The following DST variants were observed in gnomAD, a reference collection of about 807,000 sequenced individuals.
DST encodes the protein bullous pemphigoid antigen.
DST carries 253 observed loss-of-function variants against 875.2 expected under a neutral mutation model. The ratio of observed to expected loss-of-function variants is 0.29; its 90% CI spans 0.26 to 0.32. The LOEUF (loss-of-function observed/expected upper bound fraction) is 0.32. Ranked by LOEUF, DST falls within the 10% of genes least tolerant of loss-of-function variation. The pLI is 1.00. For synonymous variants in DST, 3,124 were observed against 3,197.1 expected, an observed-to-expected ratio of 0.98 and a Z score of 0.77; for missense variants, 8,287 against 9,111.6, an observed-to-expected ratio of 0.91 and a Z score of 3.68.
At chr6:56,819,184 A>T (rs764364150) in intron 4 of DST, among the ~76,000 whole-genome samples, 1 of 152,210 alleles carries the variant, frequency 6.6e-6, no homozygotes, top group African/African-American at 2.4e-5. Context: ...TTATTTCTCA[A>T]AATAATTCAC....
At chr6:56,789,399 T>C (rs1055091468) in intron 4 of DST, among the ~76,000 whole-genome samples, 19 of 152,204 alleles carry the variant, frequency 1.2e-4, no homozygotes, top group South Asian at 2.1e-4. Context: ...ACCTCTATTA[T>C]ACAAATGATA....
At chr6:56,810,484 A>C (rs2099758575) in intron 4 of DST, among the ~76,000 whole-genome samples, 1 of 152,178 alleles carries the variant, frequency 6.6e-6, no homozygotes, top group African/African-American at 2.4e-5. Context: ...CATAAATTCT[A>C]TGTTAAAAAT....
intron 17 of DST, 90 bp from the exon 18 acceptor site, chr6:56,640,695 T>C: frequency 9.8e-7 from 1 of 1,020,852 alleles, no homozygotes; most frequent in Non-Finnish European, 1.5e-6. Flanking sequence ...TTTTAGTTAA[T>C]AATGATGTAT....
At chr6:56,470,482 G>A (rs1340561354) in intron 95 of DST, among the ~76,000 whole-genome samples, 200 bp from the exon 96 acceptor site, 1 of 151,970 alleles carries the variant, frequency 6.6e-6, no homozygotes, top group Non-Finnish European at 1.5e-5. Context: ...TACTATTTAG[G>A]TGAATCATAT....
chr6:56,707,866 C>T (rs1034864903), intron 5 of DST, among the ~76,000 whole-genome samples: 1 of 152,094 alleles, frequency 6.6e-6, no homozygotes, highest in African/African-American at 2.4e-5. Context: ...TTAAGCCATG[C>T]AAATCTAAAC....
At chr6:56,585,395 G>A (rs1486380205) in intron 49 of DST, among the ~76,000 whole-genome samples, 10 of 152,148 alleles carry the variant, frequency 6.6e-5, no homozygotes, top group Non-Finnish European at 1.0e-4. Context: ...GGTGTTTGTA[G>A]TATTCTCTGA....
rs1464617303 is a variant in DST, at chr6:56,604,059, T to C, written c.10569A>G (p.Glu3523=). ...TATCACCAAGAATATGTGGCTTTTC[T>C]TCCATCATCTCAGATGTAGAACATG... The part of the protein sequence containing the change: ...QKACSTSEMM[E]EKPHILGDIK... Residue 3523 remains glutamate (E), a synonymous_variant, in exon 40 of 104, where the codon GAA becomes GAG. Coordinates refer to ENST00000680361, the MANE Select transcript of DST (RefSeq NM_001374736.1). 1.3e-6 allele frequency: 2 copies of C among 1,585,256 alleles called. No individual in the cohort carries two copies. The highest frequency in any genetic ancestry group is 8.6e-7 in the Non-Finnish European group (1 of 1,163,474).
Position 56,553,440 on chromosome 6 carries a change from T to C in DST, c.15352A>G (p.Ile5118Val), listed in dbSNP as rs377635754. 2.5e-6 allele frequency: 4 copies of C among 1,604,492 alleles called. No individual in the cohort carries two copies. Among genetic ancestry groups the C allele is most frequent in the Non-Finnish European group, 3.4e-6 (4 of 1,176,634 alleles). ...TAQSHMYEKT[I>V]AEGENLLLKT... is the part of the protein sequence containing the mutation. The stretch of plus-strand genomic sequence containing the variant: ...AATAACAGATTTTCACCTTCTGCAA[T>C]GGTTTTTTCATACATATGAGACTGA... The change falls in exon 61 of 104, where the codon ATT (isoleucine) becomes GTT (valine). Residue 5118 changes from isoleucine (I) to valine (V), a missense_variant. Transcript: ENST00000680361.
In DST at chr6:56,637,972, AT is replaced by A. The variant is rs199874169; in HGVS notation, c.2964+1286del. Among the ~76,000 whole-genome samples, 1,472 of 152,190 alleles carry A rather than the reference AT, an allele frequency of 9.7e-3. 23 individuals carry two copies. The highest frequency in any genetic ancestry group is 0.033 in the African/African-American group (1,377 of 41,552). On this transcript the variant is annotated intron_variant, in intron 22 of 103. Coordinates refer to ENST00000680361, the MANE Select transcript of DST (RefSeq NM_001374736.1). ...AAATTGGCTATAAAAGATGTATCATATTTTTTTCATATAAAATATGAAACAG... is the reference window on the plus strand; with the variant it reads ...AAATTGGCTATAAAAGATGTATCATATTTTTTCATATAAAATATGAAACAG...
chr6:56,713,826 G>A (rs1270009724), intron 5 of DST, among the ~76,000 whole-genome samples: 3 of 152,052 alleles, frequency 2.0e-5, no homozygotes, highest in Non-Finnish European at 4.4e-5. Flanking sequence ...ATAGTTTTAA[G>A]GCTTTGACGA....
At chr6:56,806,808 C>CA (rs1302133205) in intron 4 of DST, among the ~76,000 whole-genome samples, 1 of 152,188 alleles carries the variant, frequency 6.6e-6, no homozygotes, top group Non-Finnish European at 1.5e-5. Flanking sequence ...AACCCTTAGA[C>CA]AAAACCAATG....
At chr6:56,721,158 C>A (rs1302447617) in intron 5 of DST, among the ~76,000 whole-genome samples, 1 of 149,544 alleles carries the variant, frequency 6.7e-6, no homozygotes, top group Non-Finnish European at 1.5e-5. Flanking sequence ...GCCCCCCCCA[C>A]CTCCCAGATG....
rs774026791 is a variant in DST, at chr6:56,509,722, G to A, written c.18932C>T (p.Pro6311Leu). 2.5e-6 allele frequency: 4 copies of A among 1,613,556 alleles called. No homozygotes were observed. The highest frequency in any genetic ancestry group is 3.4e-6 in the Non-Finnish European group (4 of 1,179,714). ...NVSVDMEKLQPLYETLKQRGE... is the reference protein window; with the variant it reads ...NVSVDMEKLQLLYETLKQRGE... ...CCTCTGTTTAAGAGTTTCATACAAC[G>A]GCTGTAGCTTTTCCATGTCTACTGA... Residue 6311 changes from proline to leucine, a missense_variant, in exon 74 of 104, where the codon CCG (proline) becomes CTG (leucine). Physicochemically the swap from Pro to Leu is moderately conservative, Grantham distance 98 (BLOSUM62 -3). This residue lies in a region of DST where 1,292 missense variants were observed against 1,552.7 expected (regional missense o/e 0.83). Transcript: ENST00000680361.
chr6:56,549,052 T>C (rs1454315953), intron 61 of DST, among the ~76,000 whole-genome samples: 1 of 152,210 alleles, frequency 6.6e-6, no homozygotes, highest in Non-Finnish European at 1.5e-5. Context: ...CAAGTAACTA[T>C]TAACAGCTAT....
Position 56,620,823 on chromosome 6 carries a change from A to G in DST, c.4929+3707T>C, listed in dbSNP as rs2098684346. On this transcript the variant is annotated intron_variant, in intron 36 of 103. Coordinates refer to ENST00000680361, the MANE Select transcript of DST (RefSeq NM_001374736.1). Reference sequence around the variant, plus strand: ...TACAAAACCAAGTGAACTCAAATGCAGAACAAGCGCTATCACCACCACCAG... The same window carrying G: ...TACAAAACCAAGTGAACTCAAATGCGGAACAAGCGCTATCACCACCACCAG... 2.6e-5 allele frequency: 26 copies of G among 1,002,198 alleles called. No homozygotes were observed. In the South Asian group the frequency reaches 3.4e-4, roughly 13 times the overall value. 62.1% of individuals were successfully genotyped at this position (1,002,198 alleles called of 1,614,324 possible).
intron 86 of DST, among the ~76,000 whole-genome samples, chr6:56,488,986 G>C (rs541097483): frequency 2.1e-4 from 32 of 152,176 alleles, no homozygotes; most frequent in South Asian, 6.2e-4. Context: ...TTTGAGGTTG[G>C]GTGGAATTTT....
At chr6:56,816,015 T>G (rs574107612) in intron 4 of DST, among the ~76,000 whole-genome samples, 4 of 152,198 alleles carry the variant, frequency 2.6e-5, no homozygotes, top group Admixed American at 2.6e-4. Context: ...GTAATTTATC[T>G]ACTTTTCTTT....
chr6:56,944,720 T>C (rs1460555324), intron 2 of DST, among the ~76,000 whole-genome samples: 1 of 152,158 alleles, frequency 6.6e-6, no homozygotes, highest in Non-Finnish European at 1.5e-5. Flanking sequence ...TACTGAAGGA[T>C]TTTAAGTAGG....
chr6:56,611,916 G>A (rs2098549027), intron 37 of DST, among the ~76,000 whole-genome samples: 1 of 152,196 alleles, frequency 6.6e-6, no homozygotes, highest in South Asian at 2.1e-4. Flanking sequence ...ACTCAGCACT[G>A]GCCCAGTGTC....
Sources: allele counts gnomAD v4.1 joint callset (sites outside exome capture counted in the v4.1 genomes callset), GRCh38; gene constraint gnomAD v4.1.1; regional missense constraint gnomAD v4.1.1; transcripts MANE v1.5; gene names NCBI Gene and HGNC (gene_info 2026-07-23, HGNC 2026-07-21).